MTSS1: variants seen among roughly 807,000 people sequenced by gnomAD.
MTSS1 encodes the protein MTSS I-BAR domain containing 1.
MTSS1 carries 18 observed loss-of-function variants against 79.0 expected under a neutral mutation model. The ratio of observed to expected loss-of-function variants is 0.23; its 90% CI spans 0.16 to 0.34. MTSS1 has a LOEUF of 0.34. Ranked by LOEUF, MTSS1 falls within the 10% of genes least tolerant of loss-of-function variation. The probability of loss-of-function intolerance (pLI) is 1.00; values close to 1 mark genes in which losing one functional copy is unlikely to be tolerated. For synonymous variants in MTSS1, 341 were observed against 368.6 expected (o/e 0.93, Z 0.86); for missense variants, 815 against 986.2 (o/e 0.83, Z 2.33).
intron 3 of MTSS1, among the ~76,000 whole-genome samples, chr8:124,627,784 C>T (rs752930987): frequency 1.3e-5 from 2 of 152,138 alleles, no homozygotes; most frequent in African/African-American, 4.8e-5. Context: ...ATAGGGAGTC[C>T]GGGAGAGAAG....
At chr8:124,574,918 T>C (rs1242999525) in intron 6 of MTSS1, among the ~76,000 whole-genome samples, 1 of 152,108 alleles carries the variant, frequency 6.6e-6, no homozygotes, top group African/African-American at 2.4e-5. Context: ...TTTTTACACC[T>C]CACCAATCAG....
chr8:124,567,502 C>A, intron 7 of MTSS1: 1 of 873,198 alleles, frequency 1.1e-6, no homozygotes, highest in Non-Finnish European at 1.7e-6. Context: ...TGCAGCACAG[C>A]CCTCTTCATA....
At chr8:124,604,234 A>C (rs376080075) in intron 3 of MTSS1, among the ~76,000 whole-genome samples, 19 of 152,140 alleles carry the variant, frequency 1.2e-4, no homozygotes, top group African/African-American at 4.6e-4. Flanking sequence ...AAATAAAATA[A>C]AATAAAAGCA....
At chr8:124,556,914 G>T (rs991995391) in intron 11 of MTSS1, among the ~76,000 whole-genome samples, 1 of 152,208 alleles carries the variant, frequency 6.6e-6, no homozygotes, top group African/African-American at 2.4e-5. Context: ...AAAGGAAGGC[G>T]CCCAGGGGCA....
intron 3 of MTSS1, among the ~76,000 whole-genome samples, chr8:124,608,954 A>G (rs533414937): frequency 6.6e-6 from 1 of 152,348 alleles, no homozygotes; most frequent in South Asian, 2.1e-4. Context: ...AAATTGTGCT[A>G]AAATGTAGAT....
chr8:124,601,062 ATTTTTT>A (rs35966615), intron 3 of MTSS1, among the ~76,000 whole-genome samples: 1 of 88,646 alleles, frequency 1.1e-5, no homozygotes. Flanking sequence ...CTTGACTGTA[ATTTTTT>A]TTTTTTTTTT....
chr8:124,709,408 A>T (rs1035014545), intron 1 of MTSS1, among the ~76,000 whole-genome samples: 10 of 152,296 alleles, frequency 6.6e-5, no homozygotes, highest in South Asian at 4.1e-4. Flanking sequence ...CCCACTGTGG[A>T]TTTCACCTGA....
At position 124,567,143 on chromosome 8, in the gene MTSS1, G is replaced by T. The variant is rs746861083; in HGVS notation, c.654C>A (p.His218Gln). 1.2e-6 allele frequency: 2 copies of T among 1,614,104 alleles called. No homozygotes were observed. The highest frequency in any genetic ancestry group is 2.2e-5 in the South Asian group (2 of 91,084). Residue 218 changes from histidine to glutamine, a missense_variant, in exon 8 of 14, where the codon CAC (histidine) becomes CAA (glutamine). His to Gln is a conservative substitution (Grantham distance 24). Transcript: ENST00000518547. ...EEISMLGEITHLQTISEDLKS... is the reference protein window; with the variant it reads ...EEISMLGEITQLQTISEDLKS... ...TTAGATCTTCCGAGATGGTCTGAAG[G>T]TGGGTTATTTCCCCTAGCATTGAGA...
Position 124,567,095 on chromosome 8 carries a change from G to T in MTSS1, c.702C>A (p.His234Gln), listed in dbSNP as rs1826666513. 6.2e-7 allele frequency: 1 copy of T among 1,613,894 alleles called. No homozygotes were observed. The highest frequency in any genetic ancestry group is 1.1e-5 in the South Asian group (1 of 91,080). ...CCTGTTCACTTGAGGAGGGCAGTTT[G>T]TGAGGGTCCATGGTCAGGCTTTTTA... ...EDLKSLTMDP[H>Q]KLPSSSEQVI... The change falls in exon 8 of 14, where the codon CAC becomes CAA. Residue 234 changes from histidine to glutamine, a missense_variant. Around this residue, in one of 2 missense-constraint regions of MTSS1, gnomAD observed 225 missense variants for 365.4 expected, o/e 0.62. Coordinates refer to ENST00000518547, the MANE Select transcript of MTSS1 (RefSeq NM_014751.6).
At chr8:124,609,789 A>G (rs926430023) in intron 3 of MTSS1, among the ~76,000 whole-genome samples, 50 of 152,294 alleles carry the variant, frequency 3.3e-4, no homozygotes, top group African/African-American at 1.1e-3. Context: ...TAAAGACTCA[A>G]TTGATGTTTG....
rs745960418 is a variant in MTSS1 at position 124,553,148 on chromosome 8, A to G, written c.2112T>C (p.Ser704=). ...GAATCTGGCCTGGGGAGACAGTGGC[A>G]CTTGGGGGTTCCCGTTCCTGGTCTT... ...EAEDQEREPP[S]ATVSPGQIPE... The change falls in exon 14 of 14, where the codon AGT becomes AGC. Residue 704 remains serine (S), a synonymous_variant. Transcript: ENST00000518547. This position sits in a 1 kb window ranked among gnomAD's most constrained non-coding sequence, Gnocchi z 6.0. 9.9e-6 allele frequency: 16 copies of G among 1,613,910 alleles called. No homozygotes were observed. Among genetic ancestry groups the G allele is most frequent in the Admixed American group, 1.7e-5 (1 of 59,978 alleles).
At chr8:124,717,341 A>T (rs1219966978) in intron 1 of MTSS1, among the ~76,000 whole-genome samples, 1 of 152,120 alleles carries the variant, frequency 6.6e-6, no homozygotes, top group Non-Finnish European at 1.5e-5. Context: ...AAGATACAAA[A>T]AAAAAAAAGC....
chr8:124,632,447 G>A (rs372809892), intron 3 of MTSS1, among the ~76,000 whole-genome samples: 48 of 151,998 alleles, frequency 3.2e-4, no homozygotes, highest in South Asian at 2.3e-3. Flanking sequence ...CCAGGAGTTC[G>A]AGACAAGCCT....
In MTSS1 at chr8:124,727,867, C is replaced by A. The variant is rs772431186; in HGVS notation, c.72+17G>T. The A allele has an allele frequency of 6.3e-7, 1 of 1,575,716 alleles. No homozygotes were observed. The highest frequency in any genetic ancestry group is 8.6e-7 in the Non-Finnish European group (1 of 1,165,604). ...AGCGCGGCGGCCGGCGCCGCAGCCG[C>A]ACCCCCGGCGTCCTACCTTCATGTC... On this transcript the variant is annotated intron_variant, in intron 1 of 13. Coordinates refer to ENST00000518547, the MANE Select transcript of MTSS1 (RefSeq NM_014751.6). The surrounding 1 kb of genome is among the most constrained non-coding windows in gnomAD (Gnocchi z 4.7).
At chr8:124,680,443 C>T (rs1825945503) in intron 3 of MTSS1, among the ~76,000 whole-genome samples, 1 of 152,138 alleles carries the variant, frequency 6.6e-6, no homozygotes, top group Non-Finnish European at 1.5e-5. Flanking sequence ...GAAGGAAGGC[C>T]TAGGCAGCTG....
chr8:124,714,651 T>A (rs1235634334), intron 1 of MTSS1, among the ~76,000 whole-genome samples: 1 of 152,018 alleles, frequency 6.6e-6, no homozygotes, highest in African/African-American at 2.4e-5. Flanking sequence ...TTAGTAGAGA[T>A]GGGGTTTCAC....
intron 12 of MTSS1, 62 bp from the exon 13 acceptor site, chr8:124,555,966 G>A (rs777074622): frequency 1.9e-6 from 3 of 1,585,596 alleles, no homozygotes; most frequent in African/African-American, 2.7e-5. Context: ...CAGCACTCCT[G>A]TTCTGCCCCC....
chr8:124,672,827 G>GCA (rs1231159698), intron 3 of MTSS1, among the ~76,000 whole-genome samples: 2 of 150,914 alleles, frequency 1.3e-5, no homozygotes, highest in African/African-American at 2.4e-5. Context: ...ATACACACAT[G>GCA]CACACACACA....
At chr8:124,720,079 C>T (rs902758207) in intron 1 of MTSS1, among the ~76,000 whole-genome samples, 1 of 152,110 alleles carries the variant, frequency 6.6e-6, no homozygotes, top group Non-Finnish European at 1.5e-5. Context: ...GGTTATCGAG[C>T]TTTGAGGGAA....
Sources: gnomAD v4.1 joint callset for allele counts (sites outside exome capture counted in the v4.1 genomes callset) on GRCh38, gnomAD v4.1.1 for gene constraint, gnomAD v4.1.1 regional missense constraint, Gnocchi (gnomAD v3.1) non-coding constraint, MANE v1.5 for transcripts, NCBI Gene and HGNC (gene_info 2026-07-23, HGNC 2026-07-21) for gene names.